The following PTPRG variants were observed in gnomAD, a reference collection of about 807,000 sequenced individuals.
PTPRG encodes the protein protein tyrosine phosphatase receptor type G, also known as receptor-type tyrosine-protein phosphatase gamma.
PTPRG carries 102 observed loss-of-function variants against 165.3 expected under a neutral mutation model. That is an observed-to-expected ratio of 0.62 (90% CI 0.53 to 0.73). The LOEUF (loss-of-function observed/expected upper bound fraction) is 0.73. Ranked by LOEUF, PTPRG falls within the 30% of genes least tolerant of loss-of-function variation. The pLI, the probability that PTPRG is intolerant of heterozygous loss-of-function variation, is 0.00. For synonymous variants in PTPRG, 675 were observed against 669.5 expected (o/e 1.01, Z -0.13); for missense variants, 1,866 against 1,861.4 (o/e 1.00, Z -0.05).
chr3:61,858,021 C>T (rs369847415), intron 2 of PTPRG, among the ~76,000 whole-genome samples: 3 of 152,254 alleles, frequency 2.0e-5, no homozygotes, highest in South Asian at 4.2e-4. Context: ...CAGAATCCCG[C>T]CTGTATGAGA....
At chr3:61,936,850 C>A (rs2039495491) in intron 2 of PTPRG, among the ~76,000 whole-genome samples, 1 of 152,174 alleles carries the variant, frequency 6.6e-6, no homozygotes, top group Non-Finnish European at 1.5e-5. Context: ...TTATCAAAAG[C>A]AACCACTGCG....
intron 2 of PTPRG, among the ~76,000 whole-genome samples, chr3:61,947,894 C>A (rs1464138986): frequency 6.6e-6 from 1 of 152,118 alleles, no homozygotes; most frequent in African/African-American, 2.4e-5. Flanking sequence ...CCTGACCAGA[C>A]CCTGCTTGCC....
chr3:62,140,851 C>CAAAA lies in PTPRG; in HGVS notation c.682+8203_682+8206dup, dbSNP rs58630476. Among the ~76,000 whole-genome samples, 41 of 71,168 alleles carry CAAAA rather than the reference C, an allele frequency of 5.8e-4. 1 individual carries two copies. Among genetic ancestry groups the CAAAA allele is most frequent in the African/African-American group, 2.0e-3 (37 of 18,750 alleles). The allele number at this position is 71,168 out of a possible 152,430, so 46.7% of individuals were successfully genotyped here. ...GACAGAGTGAGATGAGACTCGGTCT[C>CAAAA]AAAAAAAAAAAAAAAAAAAAAAAGA... On this transcript the variant is annotated intron_variant, in intron 6 of 29. Coordinates refer to ENST00000474889, the MANE Select transcript of PTPRG (RefSeq NM_002841.4).
intron 2 of PTPRG, among the ~76,000 whole-genome samples, chr3:61,973,188 T>G (rs1207360183): frequency 6.6e-6 from 1 of 152,184 alleles, no homozygotes; most frequent in East Asian, 1.9e-4. Context: ...AAACGGTTAT[T>G]TTATATTGCA....
At chr3:62,197,667 C>T (rs1576124004) in intron 10 of PTPRG, among the ~76,000 whole-genome samples, 2 of 152,292 alleles carry the variant, frequency 1.3e-5, no homozygotes, top group Admixed American at 1.3e-4. Flanking sequence ...TGATTAAGGC[C>T]TCCTATGTGC....
chr3:61,670,947 G>A (rs1702962464), intron 1 of PTPRG, among the ~76,000 whole-genome samples: 1 of 152,078 alleles, frequency 6.6e-6, no homozygotes, highest in Non-Finnish European at 1.5e-5. Context: ...CGAAGCCGGA[G>A]CGATCAGGTT....
intron 2 of PTPRG, among the ~76,000 whole-genome samples, chr3:61,929,632 C>T (rs1308121963): frequency 6.6e-6 from 1 of 152,162 alleles, no homozygotes; most frequent in Non-Finnish European, 1.5e-5. Flanking sequence ...TTAGCTGTGA[C>T]CTGAGATGAA....
At position 61,740,979 on chromosome 3, in the gene PTPRG, C is replaced by T. The variant is rs146579977; in HGVS notation, c.86-7899C>T. 9.9e-5 allele frequency among the ~76,000 whole-genome samples: 15 copies of T among 152,132 alleles called. No homozygotes were observed. The East Asian group carries it at 2.5e-3, about 26-fold the overall frequency. Reference sequence around the variant, plus strand: ...TCATTTTACTTTTTGGGACACTCACCGAGCACATTTTACTACAATTGATTG... The same window carrying T: ...TCATTTTACTTTTTGGGACACTCACTGAGCACATTTTACTACAATTGATTG... On this transcript the variant is annotated intron_variant, in intron 1 of 29. Transcript: ENST00000474889.
At chr3:61,824,791 AAAACAAACT>A (rs1178313070) in intron 2 of PTPRG, among the ~76,000 whole-genome samples, 1 of 152,246 alleles carries the variant, frequency 6.6e-6, no homozygotes, top group Non-Finnish European at 1.5e-5. Context: ...ACCTCATGTC[AAAACAAACT>A]GTGATTTCTC....
chr3:61,656,461 C>G (rs1380975046), intron 1 of PTPRG, among the ~76,000 whole-genome samples: 1 of 152,190 alleles, frequency 6.6e-6, no homozygotes, highest in Non-Finnish European at 1.5e-5. Flanking sequence ...TAAGGGAATA[C>G]TCTTGTGATG....
At chr3:62,179,461 C>A (rs1705566056) in intron 8 of PTPRG, among the ~76,000 whole-genome samples, 1 of 152,204 alleles carries the variant, frequency 6.6e-6, no homozygotes, top group African/African-American at 2.4e-5. Context: ...TTATCAGGTG[C>A]ACAGAGCTAT....
At chr3:61,826,211 T>A (rs994600311) in intron 2 of PTPRG, among the ~76,000 whole-genome samples, 2 of 152,222 alleles carry the variant, frequency 1.3e-5, no homozygotes, top group Admixed American at 1.3e-4. Context: ...CGTGGAAATT[T>A]GATCTGTATC....
intron 4 of PTPRG, among the ~76,000 whole-genome samples, chr3:62,006,393 C>T (rs1046893332): frequency 3.3e-5 from 5 of 152,286 alleles, no homozygotes; most frequent in African/African-American, 1.2e-4. Context: ...TTTATTTGAG[C>T]TCTTCATTAA....
chr3:61,857,089 C>G (rs998909340), intron 2 of PTPRG, among the ~76,000 whole-genome samples: 10 of 146,670 alleles, frequency 6.8e-5, no homozygotes, highest in Non-Finnish European at 1.1e-4. Flanking sequence ...TGTCTAGTAT[C>G]TTTTTTTTTT....
intron 5 of PTPRG, among the ~76,000 whole-genome samples, chr3:62,117,361 G>C (rs952537902): frequency 1.3e-5 from 2 of 152,062 alleles, no homozygotes; most frequent in African/African-American, 4.8e-5. Context: ...GTTGAACTTC[G>C]CATATTTAAC....
At chr3:62,199,914 C>G (rs975993275) in intron 10 of PTPRG, among the ~76,000 whole-genome samples, 3 of 152,164 alleles carry the variant, frequency 2.0e-5, no homozygotes, top group Non-Finnish European at 4.4e-5. Flanking sequence ...GAATATTATT[C>G]ACCCTCAAAA....
intron 4 of PTPRG, among the ~76,000 whole-genome samples, chr3:62,074,343 C>CTTTT (rs1189852186): frequency 1.7e-5 from 2 of 115,726 alleles, no homozygotes; most frequent in African/African-American, 3.6e-5. Context: ...CCTTTCTTTT[C>CTTTT]TTTTCTTTCT....
At chr3:62,068,335 T>C (rs59542166) in intron 4 of PTPRG, among the ~76,000 whole-genome samples, 5 of 152,194 alleles carry the variant, frequency 3.3e-5, no homozygotes, top group African/African-American at 4.8e-5. Flanking sequence ...AGGGATTCTC[T>C]ATGTTAAGGC....
Position 61,881,208 on chromosome 3 carries a change from G to A in PTPRG, c.191-108417G>A, listed in dbSNP as rs575765882. ...TCTAAAAACAGCCTTCTTCTTTCCC[G>A]ATAGATTGTAAGTCTGTGCTTGTAA... On this transcript the variant is annotated intron_variant, in intron 2 of 29. Coordinates refer to ENST00000474889, the MANE Select transcript of PTPRG (RefSeq NM_002841.4). Among the ~76,000 whole-genome samples the A allele has an allele frequency of 4.6e-5, 7 of 152,182 alleles. No individual in the cohort carries two copies. In the East Asian group the frequency reaches 9.6e-4, roughly 21 times the overall value.
Sources: allele counts gnomAD v4.1 joint callset (sites outside exome capture counted in the v4.1 genomes callset), GRCh38; gene constraint gnomAD v4.1.1; transcripts MANE v1.5; gene names NCBI Gene and HGNC (gene_info 2026-07-23, HGNC 2026-07-21).